STKLD1: variants seen among roughly 807,000 people sequenced by gnomAD.
STKLD1 encodes serine/threonine kinase-like domain-containing protein STKLD1.
A neutral mutation model predicts 80.4 loss-of-function variants in STKLD1; 79 were observed. That is an observed-to-expected ratio of 0.98 (90% CI 0.82 to 1.19). The LOEUF (loss-of-function observed/expected upper bound fraction) is 1.19. Ranked by LOEUF, STKLD1 falls within the 50% of genes most tolerant of loss-of-function variation. The pLI, the probability that STKLD1 is intolerant of heterozygous loss-of-function variation, is 0.00. For synonymous variants in STKLD1, 393 were observed against 357.6 expected (o/e 1.10, Z -1.12); for missense variants, 841 against 856.0 (o/e 0.98, Z 0.22).
At position 133,405,648 on chromosome 9, in the gene STKLD1, C is replaced by T; in HGVS notation, c.*227C>T. 1 of 432,176 alleles carries T rather than the reference C, an allele frequency of 2.3e-6. No individual in the cohort carries two copies. Among genetic ancestry groups the T allele is most frequent in the Non-Finnish European group, 4.1e-6 (1 of 246,790 alleles). 26.8% of individuals were successfully genotyped at this position (432,176 alleles called of 1,614,324 possible). ...CGAAAACTGACTTGCCTGCTTCCTC[C>T]TTCCAGGAACTGGTTTCTTGCGCGG... is the stretch of plus-strand genomic sequence containing the variant. On this transcript the variant is annotated 3_prime_UTR_variant, in exon 18 of 18. Coordinates refer to ENST00000371957, the MANE Select transcript of STKLD1 (RefSeq NM_153710.5).
In STKLD1 at chr9:133,401,743, G is replaced by A. The variant is rs781815220; in HGVS notation, c.1204G>A (p.Val402Met). The A allele has an allele frequency of 1.2e-6, 2 of 1,612,156 alleles. No homozygotes were observed. The highest frequency in any genetic ancestry group is 1.7e-6 in the Non-Finnish European group (2 of 1,179,724). The change falls in exon 13 of 18, where the codon GTG becomes ATG. Residue 402 changes from valine to methionine, a missense_variant. Val to Met is a conservative substitution (Grantham distance 21). Transcript: ENST00000371957. ...LLLHLLGQAL[V>M]HHPEAKAPCN... ...TCTTCCTCTGGCTTGAGCAGCGCTGGTGCACCACCCGGAAGCCAAGGCTCC... is the reference window on the plus strand; with the variant it reads ...TCTTCCTCTGGCTTGAGCAGCGCTGATGCACCACCCGGAAGCCAAGGCTCC...
At chr9:133,395,984 C>T (rs1554776689) in intron 9 of STKLD1, 1 of 446,236 alleles carries the variant, frequency 2.2e-6, no homozygotes, top group African/African-American at 2.0e-5. Flanking sequence ...AGACTGACCC[C>T]CAGGAGGCAC....
At chr9:133,379,386 C>T (rs1838080329) in intron 2 of STKLD1, among the ~76,000 whole-genome samples, 1 of 152,246 alleles carries the variant, frequency 6.6e-6, no homozygotes, top group Non-Finnish European at 1.5e-5. Context: ...CAGGCACTGA[C>T]TCACTTCATC....
Position 133,394,337 on chromosome 9 carries a change from C to T in STKLD1, c.630C>T (p.Ser210=). The change falls in exon 8 of 18, where the codon TCC becomes TCT. Residue 210 remains serine, a synonymous_variant. Transcript: ENST00000371957. This position sits in a 1 kb window ranked among gnomAD's most constrained non-coding sequence, Gnocchi z 4.9. ...TGGCCCCTGAAGCCCTCAACTTCTCCTTCAGCCAGAAATCAGACATCTGGT... is the reference window on the plus strand; with the variant it reads ...TGGCCCCTGAAGCCCTCAACTTCTCTTTCAGCCAGAAATCAGACATCTGGT... ...SWMAPEALNF[S]FSQKSDIWSL... 2 of 1,613,986 alleles carry T rather than the reference C, an allele frequency of 1.2e-6. No individual in the cohort carries two copies. The highest frequency in any genetic ancestry group is 1.7e-6 in the Non-Finnish European group (2 of 1,179,960).
At chr9:133,391,221 T>C (rs1341433726) in intron 7 of STKLD1, among the ~76,000 whole-genome samples, 9,933 of 135,070 alleles carry the variant, frequency 0.074, 575 homozygotes, top group African/African-American at 0.16. Context: ...ACAGCCGCCC[T>C]GTCCGGGAGG....
chr9:133,405,039 T>G (rs1398499001), intron 17 of STKLD1, 110 bp downstream of exon 17: 1 of 1,473,220 alleles, frequency 6.8e-7, no homozygotes, highest in Admixed American at 2.2e-5. Context: ...TCAACCCCAC[T>G]TCTCGGCCCA....
chr9:133,405,416 G>A lies in STKLD1; in HGVS notation c.2038G>A (p.Glu680Lys), dbSNP rs927747812. Residue 680 changes from glutamate (E) to lysine (K), a missense_variant, in exon 18 of 18, where the codon GAA becomes AAA. Coordinates refer to ENST00000371957, the MANE Select transcript of STKLD1 (RefSeq NM_153710.5). Reference protein sequence around the residue: ...QLGCTTSGGLE With the variant: ...QLGCTTSGGLK ...GGGGTGCACCACGTCTGGGGGACTG[G>A]AATAGATGTTTGTATGGAACTGACC... is the stretch of plus-strand genomic sequence containing the variant. 1 of 1,604,672 alleles carries A rather than the reference G, an allele frequency of 6.2e-7. No individual in the cohort carries two copies.
intron 2 of STKLD1, among the ~76,000 whole-genome samples, chr9:133,382,696 AT>A (rs1397284695): frequency 7.5e-6 from 1 of 132,908 alleles, no homozygotes; most frequent in Admixed American, 7.3e-5. Context: ...GGTGATGGTG[AT>A]GATAATAGTG....
In STKLD1 at chr9:133,392,688, T is replaced by G. The variant is rs1838434933; in HGVS notation, c.584-1603T>G. 2.7e-3 allele frequency among the ~76,000 whole-genome samples: 315 copies of G among 117,750 alleles called. 42 individuals carry two copies. The highest frequency in any genetic ancestry group is 0.01 in the African/African-American group (277 of 26,454). 77.2% of individuals were successfully genotyped at this position (117,750 alleles called of 152,430 possible). A position where few individuals can be genotyped will look rare whatever the true frequency, so the allele number is the denominator to read the frequency against. On this transcript the variant is annotated intron_variant, in intron 7 of 17. Transcript: ENST00000371957. ...GTGGGTGGGTGAGTGGATGGGTGAG[T>G]AGGTGAGTGGATGAGTGGATGGATG...
rs1452261830 is a variant in STKLD1, at chr9:133,389,250, A to G, written c.397-276A>G. ...CAGCGCGGGCCACAGAGTAGGGTGC[A>G]GGGATGGGGCCCCTGCAGCACCCAG... On this transcript the variant is annotated intron_variant, in intron 5 of 17. Transcript: ENST00000371957. This position sits in a 1 kb window ranked among gnomAD's most constrained non-coding sequence, Gnocchi z 6.4. 2.0e-6 allele frequency: 2 copies of G among 985,290 alleles called. No individual in the cohort carries two copies. The highest frequency in any genetic ancestry group is 1.2e-4 in the Admixed American group (2 of 16,268). The allele number at this position is 985,290 out of a possible 1,614,324, so 61.0% of individuals were successfully genotyped here. A position where few individuals can be genotyped will look rare whatever the true frequency, so the allele number is the denominator to read the frequency against.
At position 133,377,163 on chromosome 9, in the gene STKLD1, G is replaced by A. The variant is rs2130252937; in HGVS notation, c.87+603G>A. On this transcript the variant is annotated intron_variant, in intron 1 of 17. Transcript: ENST00000371957. ...AGAGGACTATAGGGCGTTGCCAGAGGTGAAGCAGATGAGCTTCTGGTGGCC... is the reference window on the plus strand; with the variant it reads ...AGAGGACTATAGGGCGTTGCCAGAGATGAAGCAGATGAGCTTCTGGTGGCC... 3.3e-5 allele frequency among the ~76,000 whole-genome samples: 5 copies of A among 152,122 alleles called. No individual in the cohort carries two copies. In the East Asian group the frequency reaches 9.6e-4, roughly 29 times the overall value.
At chr9:133,391,772 C>A (rs2130290127) in intron 7 of STKLD1, among the ~76,000 whole-genome samples, 220 of 151,688 alleles carry the variant, frequency 1.5e-3, no homozygotes, top group African/African-American at 5.0e-3. Flanking sequence ...ATCTGCTGAC[C>A]TTCCCTCTAC....
intron 2 of STKLD1, among the ~76,000 whole-genome samples, chr9:133,383,447 G>A (rs1205075566): frequency 3.2e-5 from 2 of 61,970 alleles, no homozygotes; most frequent in African/African-American, 1.0e-4. Context: ...GGTGATGGTG[G>A]TGGTGATGGA....
At chr9:133,396,872 A>G (rs990022441) in intron 9 of STKLD1, among the ~76,000 whole-genome samples, 10 of 152,278 alleles carry the variant, frequency 6.6e-5, no homozygotes, top group Middle Eastern at 3.4e-3. Context: ...TCATGTTTCT[A>G]TGGAGGCAGG....
In STKLD1 at chr9:133,385,468, A is replaced by G. The variant is rs1838243389; in HGVS notation, c.220-149A>G. ...CCCACATCGGACTGCCTGGCTCCCA[A>G]CCACCGTGCAGCTTCCCTGAGCCCA... is the stretch of plus-strand genomic sequence containing the variant. On this transcript the variant is annotated intron_variant, in intron 3 of 17. Transcript: ENST00000371957. The surrounding 1 kb of genome is among the most constrained non-coding windows in gnomAD (Gnocchi z 4.9). 5 of 708,738 alleles carry G rather than the reference A, an allele frequency of 7.1e-6. No individual in the cohort carries two copies. Among genetic ancestry groups the G allele is most frequent in the South Asian group, 5.3e-5 (3 of 56,912 alleles). 43.9% of individuals were successfully genotyped at this position (708,738 alleles called of 1,614,324 possible). A position where few individuals can be genotyped will look rare whatever the true frequency, so the allele number is the denominator to read the frequency against.
rs2130274278 is a variant in STKLD1, at chr9:133,385,327, C to T, written c.220-290C>T. On this transcript the variant is annotated intron_variant, in intron 3 of 17. Transcript: ENST00000371957. The surrounding 1 kb of genome is among the most constrained non-coding windows in gnomAD (Gnocchi z 4.9). ...CCCACCTTCCTGGCACTGCCTGCCA[C>T]AGCTCACTCACCCCCCATGGTATCC... 7.9e-5 allele frequency among the ~76,000 whole-genome samples: 12 copies of T among 152,218 alleles called. No homozygotes were observed. Among genetic ancestry groups the T allele is most frequent in the Non-Finnish European group, 1.8e-4 (12 of 68,030 alleles).
At chr9:133,404,992 C>T in intron 17 of STKLD1, 63 bp downstream of exon 17, 1 of 1,572,772 alleles carries the variant, frequency 6.4e-7, no homozygotes, top group African/African-American at 1.4e-5. Context: ...CCCGCTCCCC[C>T]TATAACTGAC....
chr9:133,388,530 AGCC>A (rs1838313963), intron 5 of STKLD1, among the ~76,000 whole-genome samples: 2 of 152,124 alleles, frequency 1.3e-5, no homozygotes, highest in Non-Finnish European at 2.9e-5. Context: ...TACAGATGTG[AGCC>A]GCCGCGCCTA....
Position 133,402,893 on chromosome 9 carries a change from C to G in STKLD1, c.1355C>G (p.Ser452Ter). Residue 452 changes from serine (S) to a stop codon, truncating the protein, a stop_gained, in exon 14 of 18, where the codon TCA (serine) becomes TGA (stop). Transcript: ENST00000371957. LOFTEE classifies it high-confidence loss of function. ...ITTTQESESLSEELQNAGLLE... is the reference protein window; with the variant it reads ...ITTTQESESL ...TCACCCACAGAGTCAGAGTCACTGT[C>G]AGAGGAGCTGCAGAATGCTGGGCTG... is the stretch of plus-strand genomic sequence containing the variant. 6.3e-7 allele frequency: 1 copy of G among 1,595,252 alleles called. No homozygotes were observed.
Sources: gnomAD v4.1 joint callset for allele counts (sites outside exome capture counted in the v4.1 genomes callset) on GRCh38, gnomAD v4.1.1 for gene constraint, Gnocchi (gnomAD v3.1) non-coding constraint, MANE v1.5 for transcripts, NCBI Gene and HGNC (gene_info 2026-07-23, HGNC 2026-07-21) for gene names.